HEATR4: variants seen among roughly 807,000 people sequenced by gnomAD.
HEATR4 encodes HEAT repeat-containing protein 4.
A neutral mutation model predicts 108.8 loss-of-function variants in HEATR4; 95 were observed. The observed-to-expected ratio is 0.87, with a 90% CI of 0.74 to 1.04. HEATR4 has a LOEUF of 1.04. HEATR4 is among the 50% of genes least tolerant of loss of function. The probability of loss-of-function intolerance (pLI) is 0.00; values close to 1 mark genes in which losing one functional copy is unlikely to be tolerated. For synonymous variants in HEATR4, 443 were observed against 459.4 expected (o/e 0.96, Z 0.46); for missense variants, 1,152 against 1,253.8 (o/e 0.92, Z 1.23).
rs560154880 is a variant in HEATR4, at chr14:73,532,816, T to C, written c.-151-2572A>G. 2.8e-4 allele frequency among the ~76,000 whole-genome samples: 31 copies of C among 112,102 alleles called. 12 individuals carry two copies. The East Asian group carries it at 0.021, about 77-fold the overall frequency. 73.5% of individuals were successfully genotyped at this position (112,102 alleles called of 152,430 possible). Reference sequence around the variant, plus strand: ...AAAACATACAAAAAAATTAGCCGGGTGTGGTGGTGGGCACCTGTAGTCCCA... The same window carrying C: ...AAAACATACAAAAAAATTAGCCGGGCGTGGTGGTGGGCACCTGTAGTCCCA... On this transcript the variant is annotated intron_variant, in intron 1 of 17. Transcript: ENST00000553558.
the HEATR4 span, among the ~76,000 whole-genome samples, chr14:73,587,265 G>A: frequency 6.6e-6 from 1 of 152,046 alleles, no homozygotes; most frequent in Non-Finnish European, 1.5e-5. Flanking sequence ...ACTGACAGGA[G>A]TATTTGCATA....
In HEATR4 at chr14:73,551,841, T is replaced by G; in HGVS notation, c.-152+6910A>C. On this transcript the variant is annotated intron_variant, in intron 1 of 17. Coordinates refer to ENST00000553558, the MANE Select transcript of HEATR4 (RefSeq NM_001220484.1). ...AAAAAAAAAACAGACAAAATGGCTA[T>G]GTATGACCTCTCCAGGACACTCCAC... Among the ~76,000 whole-genome samples, 2 of 105,564 alleles carry G rather than the reference T, an allele frequency of 1.9e-5. 1 individual carries two copies. The allele number at this position is 105,564 out of a possible 152,430, so 69.3% of individuals were successfully genotyped here. A position where few individuals can be genotyped will look rare whatever the true frequency, so the allele number is the denominator to read the frequency against.
At chr14:73,511,560 T>TAAATAAAAA (rs1887264874) in intron 7 of HEATR4, among the ~76,000 whole-genome samples, 4 of 88,966 alleles carry the variant, frequency 4.5e-5, no homozygotes, top group Non-Finnish European at 1.0e-4. Flanking sequence ...AATAAATAAA[T>TAAATAAAAA]AAATAAAATA....
In HEATR4 at chr14:73,536,217, G is replaced by A. The variant is rs1460373598; in HGVS notation, c.-151-5973C>T. On this transcript the variant is annotated intron_variant, in intron 1 of 17. Transcript: ENST00000553558. Reference sequence around the variant, plus strand: ...CAGGTTTTGTGAGTTTGAAGCTTACGCATTTATAGGTTTCTCTAATTACCA... The same window carrying A: ...CAGGTTTTGTGAGTTTGAAGCTTACACATTTATAGGTTTCTCTAATTACCA... Among the ~76,000 whole-genome samples, 7 of 113,078 alleles carry A rather than the reference G, an allele frequency of 6.2e-5. 2 individuals are homozygous for A. Among genetic ancestry groups the A allele is most frequent in the Admixed American group, 5.0e-4 (5 of 9,916 alleles). The allele number at this position is 113,078 out of a possible 152,430, so 74.2% of individuals were successfully genotyped here.
chr14:73,529,907 G>A (rs1253690298), intron 2 of HEATR4, among the ~76,000 whole-genome samples: 1 of 148,538 alleles, frequency 6.7e-6, no homozygotes, highest in East Asian at 2.0e-4. Context: ...GTTCTGAGGT[G>A]GAGTCCAAGA....
At position 73,509,866 on chromosome 14, in the gene HEATR4, A is replaced by ATATATTTATATATT. The variant is rs1566832362; in HGVS notation, c.1559-394_1559-393insAATATATAAATATA. Among the ~76,000 whole-genome samples the ATATATTTATATATT allele has an allele frequency of 3.6e-4, 24 of 67,508 alleles. 4 individuals carry two copies. The highest frequency in any genetic ancestry group is 6.1e-3 in the Middle Eastern group (1 of 164). 44.3% of individuals were successfully genotyped at this position (67,508 alleles called of 152,430 possible). A position where few individuals can be genotyped will look rare whatever the true frequency, so the allele number is the denominator to read the frequency against. On this transcript the variant is annotated intron_variant, in intron 7 of 17. Coordinates refer to ENST00000553558, the MANE Select transcript of HEATR4 (RefSeq NM_001220484.1). ...TATATATATATATATATATATATAT[A>ATATATTTATATATT]TATTTATTTATTTTATATATTTTTT...
At chr14:73,479,543 A>C (rs1311985876) in intron 17 of HEATR4, among the ~76,000 whole-genome samples, 2 of 146,814 alleles carry the variant, frequency 1.4e-5, no homozygotes, top group African/African-American at 5.1e-5. Context: ...AGTTCAAGGG[A>C]TTCTCCTGCC....
At chr14:73,603,909 T>G in the HEATR4 span, among the ~76,000 whole-genome samples, 1 of 151,966 alleles carries the variant, frequency 6.6e-6, no homozygotes. Context: ...AATTTTTGTA[T>G]TTTTAGTAGA....
Position 73,523,175 on chromosome 14 carries a change from C to G in HEATR4, c.-23G>C. 1.9e-6 allele frequency: 3 copies of G among 1,547,226 alleles called. No individual in the cohort carries two copies. Among genetic ancestry groups the G allele is most frequent in the Non-Finnish European group, 8.7e-7 (1 of 1,152,544 alleles). On this transcript the variant is annotated 5_prime_UTR_variant, in exon 3 of 18. Coordinates refer to ENST00000553558, the MANE Select transcript of HEATR4 (RefSeq NM_001220484.1). ...CATACCGCGTCCCAGCAAATGCTTC[C>G]TTCCACACTGCCTGGCCTAGAGGAA...
the HEATR4 span, chr14:73,592,048 AGCGGGTTACGCTGCGCGC>A: frequency 2.0e-6 from 3 of 1,470,634 alleles, no homozygotes. Context: ...GCCCCGGAGC[AGCGGGTTACGCTGCGCGC>A]GTCCCTGCGC....
At chr14:73,534,501 A>C (rs1888800111) in intron 1 of HEATR4, among the ~76,000 whole-genome samples, 1 of 113,398 alleles carries the variant, frequency 8.8e-6, no homozygotes, top group Non-Finnish European at 1.9e-5. Flanking sequence ...GAGACCAGGC[A>C]ACATAGGGAG....
intron 16 of HEATR4, chr14:73,493,339 GTTA>G: frequency 3.9e-6 from 2 of 511,178 alleles, no homozygotes; most frequent in Admixed American, 3.7e-5. Context: ...TATCCTGTTT[GTTA>G]TTGTTAAATT....
At chr14:73,630,642 G>A in the HEATR4 span, among the ~76,000 whole-genome samples, 1 of 152,140 alleles carries the variant, frequency 6.6e-6, no homozygotes, top group African/African-American at 2.4e-5. Context: ...TGGGAATCAC[G>A]ACTTACAGTC....
chr14:73,496,199 A>G (rs556116937), intron 15 of HEATR4, among the ~76,000 whole-genome samples: 1 of 152,272 alleles, frequency 6.6e-6, no homozygotes, highest in African/African-American at 2.4e-5. Flanking sequence ...GAAAACCCAG[A>G]TTAGGAATTC....
chr14:73,578,623 TA>T, the HEATR4 span, among the ~76,000 whole-genome samples: 1 of 152,042 alleles, frequency 6.6e-6, no homozygotes, highest in Non-Finnish European at 1.5e-5. Context: ...AAAAGTTCAT[TA>T]AACTAACATG....
At chr14:73,537,583 C>CGACA in intron 1 of HEATR4, 2 of 1,221,062 alleles carry the variant, frequency 1.6e-6, no homozygotes, top group Non-Finnish European at 2.2e-6. Flanking sequence ...GCTACCGCGC[C>CGACA]GACACCCTTG....
rs149620384 is a variant in HEATR4, at chr14:73,521,477, G to A, written c.882-438C>T. ...GTAAGCTCCTTAAAGGTACATATCT[G>A]TGTCTGTTGCTTTTACATTGTATTC... On this transcript the variant is annotated intron_variant, in intron 3 of 17. Coordinates refer to ENST00000553558, the MANE Select transcript of HEATR4 (RefSeq NM_001220484.1). 2.5e-3 allele frequency among the ~76,000 whole-genome samples: 374 copies of A among 152,314 alleles called. 4 individuals are homozygous for A. The highest frequency in any genetic ancestry group is 8.5e-3 in the African/African-American group (354 of 41,566).
the HEATR4 span, among the ~76,000 whole-genome samples, chr14:73,572,645 T>A: frequency 5.9e-5 from 3 of 51,104 alleles, no homozygotes; most frequent in Admixed American, 4.2e-4. Flanking sequence ...TTGCATTTTT[T>A]TTTTTTTTTT....
At chr14:73,530,441 G>A (rs1327350521) in intron 1 of HEATR4, 197 bp from the exon 2 acceptor site, 2 of 130,336 alleles carry the variant, frequency 1.5e-5, no homozygotes, top group Non-Finnish European at 3.3e-5. Flanking sequence ...GGTTAGTGGG[G>A]AGAGTGGGAT....
Sources: allele counts gnomAD v4.1 joint callset (sites outside exome capture counted in the v4.1 genomes callset), GRCh38; gene constraint gnomAD v4.1.1; transcripts MANE v1.5; gene names NCBI Gene and HGNC (gene_info 2026-07-23, HGNC 2026-07-21).